BLTP1: variants seen among roughly 807,000 people sequenced by gnomAD.
BLTP1 encodes fragile site-associated protein.
chr4:122,280,328 T>A, the BLTP1 span, among the ~76,000 whole-genome samples: 1 of 152,332 alleles, frequency 6.6e-6, no homozygotes, highest in East Asian at 1.9e-4. Flanking sequence ...TGGAAACTTA[T>A]GACTGCACAG....
the BLTP1 span, chr4:122,349,140 C>T: frequency 1.3e-6 from 2 of 1,593,790 alleles, no homozygotes; most frequent in Non-Finnish European, 1.7e-6. The surrounding 1 kb of genome is among the most constrained non-coding windows in gnomAD (Gnocchi z 4.5). Context: ...ATATAATAAC[C>T]TTTTTTTCAT....
the BLTP1 span, chr4:122,331,473 T>A: frequency 1.2e-6 from 2 of 1,611,892 alleles, no homozygotes; most frequent in Non-Finnish European, 1.7e-6. Context: ...GGGTTGAAAT[T>A]GATAGTGGAA....
the BLTP1 span, chr4:122,266,695 G>A: frequency 8.1e-7 from 1 of 1,232,720 alleles, no homozygotes; most frequent in Non-Finnish European, 1.1e-6. Flanking sequence ...GGTAGGGTAA[G>A]AAATAAAAGC....
chr4:122,152,413 C>G, the BLTP1 span: 1 of 985,838 alleles, frequency 1.0e-6, no homozygotes, highest in Non-Finnish European at 1.2e-6. Context: ...AGGGTCTGGA[C>G]CTGGGCGGCG....
chr4:122,187,479 A>G, the BLTP1 span: 3 of 1,612,374 alleles, frequency 1.9e-6, no homozygotes, highest in East Asian at 6.7e-5. Flanking sequence ...CATGGAGATC[A>G]CTTATTCCAG....
At chr4:122,298,659 A>ATACTTCT in the BLTP1 span, 16 of 595,794 alleles carry the variant, frequency 2.7e-5, no homozygotes, top group Non-Finnish European at 3.2e-5. Flanking sequence ...TTGGAACATT[A>ATACTTCT]GGTATTTAAA....
the BLTP1 span, among the ~76,000 whole-genome samples, chr4:122,297,567 A>G: frequency 3.3e-5 from 5 of 152,256 alleles, no homozygotes; most frequent in Non-Finnish European, 5.9e-5. Flanking sequence ...GTATATACCC[A>G]AAGGAACATA....
the BLTP1 span, chr4:122,204,701 T>G: frequency 1.8e-6 from 1 of 541,700 alleles, no homozygotes; most frequent in South Asian, 8.0e-5. Context: ...TGATGAATGA[T>G]GAATATATTG....
At chr4:122,255,359 A>G in the BLTP1 span, 1 of 1,027,570 alleles carries the variant, frequency 9.7e-7, no homozygotes, top group East Asian at 2.4e-5. Flanking sequence ...AGGGTTTGAG[A>G]TGCATGTGAG....
At chr4:122,347,864 T>C in the BLTP1 span, 4 of 863,374 alleles carry the variant, frequency 4.6e-6, no homozygotes, top group East Asian at 5.6e-5. Flanking sequence ...GCCCTAACTA[T>C]AGGAAAATAA....
chr4:122,154,684 T>C, the BLTP1 span, among the ~76,000 whole-genome samples: 7 of 152,030 alleles, frequency 4.6e-5, no homozygotes, highest in Admixed American at 4.6e-4. Context: ...CCATCCTGGC[T>C]AACATGGTGA....
the BLTP1 span, chr4:122,362,386 C>A: frequency 1.5e-6 from 1 of 658,186 alleles, no homozygotes; most frequent in Non-Finnish European, 2.5e-6. Context: ...GTAAGTTAAC[C>A]TGTTCTAGTT....
chr4:122,269,506 A>G, the BLTP1 span: 8 of 985,152 alleles, frequency 8.1e-6, no homozygotes, highest in African/African-American at 1.7e-5. Context: ...TCTTACAACT[A>G]ACTCATGATC....
the BLTP1 span, chr4:122,343,714 T>C: frequency 4.1e-5 from 52 of 1,267,798 alleles, 2 homozygotes; most frequent in South Asian, 4.8e-4. Flanking sequence ...TCAGATGCTT[T>C]TTGTATTTTT....
At chr4:122,205,499 TTCTCTCTCTCTC>T in the BLTP1 span, among the ~76,000 whole-genome samples, 12 of 140,822 alleles carry the variant, frequency 8.5e-5, no homozygotes, top group African/African-American at 2.7e-4. Flanking sequence ...TTCCAATTGT[TTCTCTCTCTCTC>T]TCTCTCTCTC....
At chr4:122,258,325 G>A in the BLTP1 span, among the ~76,000 whole-genome samples, 1 of 152,094 alleles carries the variant, frequency 6.6e-6, no homozygotes, top group South Asian at 2.1e-4. Context: ...TGAGTTATGA[G>A]GAATAGGGTA....
At chr4:122,276,586 G>T in the BLTP1 span, 5 of 985,266 alleles carry the variant, frequency 5.1e-6, no homozygotes, top group South Asian at 1.9e-4. Flanking sequence ...ATCTGGGTGT[G>T]TTCTGGCTTA....
chr4:122,264,453 TATA>T, the BLTP1 span: 2 of 1,566,428 alleles, frequency 1.3e-6, no homozygotes, highest in Non-Finnish European at 8.6e-7. Context: ...TTTTCCTAAT[TATA>T]ATAATACCTC....
At chr4:122,197,054 T>A in the BLTP1 span, 3,072 of 565,202 alleles carry the variant, frequency 5.4e-3, 52 homozygotes, top group Non-Finnish European at 3.3e-3. Context: ...GTATTTTTGG[T>A]AAAAATTTGA....
Sources: allele counts gnomAD v4.1 joint callset (sites outside exome capture counted in the v4.1 genomes callset), GRCh38; gene constraint gnomAD v4.1.1; non-coding constraint Gnocchi (gnomAD v3.1); transcripts MANE v1.5; gene names NCBI Gene and HGNC (gene_info 2026-07-23, HGNC 2026-07-21).